The following NINJ2 variants were observed in gnomAD, a reference collection of about 807,000 sequenced individuals.
NINJ2 encodes the protein ninjurin 2, also known as ninjurin-2.
Under a neutral mutation model 11.7 loss-of-function variants are expected in NINJ2, and 12 were observed. The ratio of observed to expected loss-of-function variants is 1.02; its 90% CI spans 0.66 to 1.66. The LOEUF (loss-of-function observed/expected upper bound fraction) is 1.66, where lower values mean the gene tolerates loss of function less well. Ranked by LOEUF, NINJ2 falls within the 40% of genes most tolerant of loss-of-function variation. The probability of loss-of-function intolerance (pLI) is 0.00; values close to 1 mark genes in which losing one functional copy is unlikely to be tolerated. For missense variants in NINJ2, 187 were observed against 181.8 expected (o/e 1.03, Z -0.16); for synonymous variants, 93 against 76.8 (o/e 1.21, Z -1.10).
intron 1 of NINJ2, chr12:643,397 C>G (rs1027107022): frequency 2.1e-6 from 2 of 971,304 alleles, no homozygotes; most frequent in East Asian, 1.1e-4. Flanking sequence ...CAGCTGCAGT[C>G]GCGCCAGCCC....
chr12:609,613 C>A (rs1331136172), intron 1 of NINJ2, among the ~76,000 whole-genome samples: 1 of 150,802 alleles, frequency 6.6e-6, no homozygotes, highest in Non-Finnish European at 1.5e-5. Flanking sequence ...ACTAAAAATA[C>A]AAAAAAAATT....
chr12:642,874 C>G (rs1041626066), intron 1 of NINJ2: 7 of 150,966 alleles, frequency 4.6e-5, no homozygotes. Flanking sequence ...GCCCGGCTCG[C>G]CCGCCCGCGT....
At position 581,137 on chromosome 12, in the gene NINJ2, CTGTG is replaced by C. The variant is rs1301141091; in HGVS notation, c.34-14963_34-14960del. Among the ~76,000 whole-genome samples, 2 of 140,800 alleles carry C rather than the reference CTGTG, an allele frequency of 1.4e-5. No individual in the cohort carries two copies. The highest frequency in any genetic ancestry group is 3.1e-5 in the Non-Finnish European group (2 of 64,394). 92.4% of individuals were successfully genotyped at this position (140,800 alleles called of 152,430 possible). ...TCTGTGTGTGCGTGTCTCTGTGCCT[CTGTG>C]TGTGTGTGCATGTGTCTCTGTGTGT... On this transcript the variant is annotated intron_variant, in intron 1 of 3. Transcript: ENST00000305108. The surrounding 1 kb of genome is among the most constrained non-coding windows in gnomAD (Gnocchi z 4.9).
At chr12:590,019 C>T (rs1947697636) in intron 1 of NINJ2, among the ~76,000 whole-genome samples, 3 of 152,184 alleles carry the variant, frequency 2.0e-5, no homozygotes, top group African/African-American at 7.2e-5. Flanking sequence ...TGATGAGGCA[C>T]TTAGGCTTTG....
chr12:577,430 C>CATATATGTATGTAT (rs1555161809), intron 1 of NINJ2, among the ~76,000 whole-genome samples: 3 of 94,004 alleles, frequency 3.2e-5, no homozygotes, highest in Non-Finnish European at 7.4e-5. Flanking sequence ...TATATATATA[C>CATATATGTATGTAT]ATATATATAT....
chr12:578,893 G>A (rs1947508394), intron 1 of NINJ2, among the ~76,000 whole-genome samples: 2 of 152,210 alleles, frequency 1.3e-5, no homozygotes, highest in South Asian at 4.1e-4. Context: ...GTCTGTAAGG[G>A]TCTAGTGCTT....
At chr12:657,744 GA>G (rs1466678201) in intron 1 of NINJ2, among the ~76,000 whole-genome samples, 2 of 152,062 alleles carry the variant, frequency 1.3e-5, no homozygotes, top group Admixed American at 6.6e-5. Context: ...ACAAAAATGG[GA>G]TATCACTGCA....
At chr12:587,791 T>G (rs1947660238) in intron 1 of NINJ2, among the ~76,000 whole-genome samples, 1 of 152,206 alleles carries the variant, frequency 6.6e-6, no homozygotes, top group Non-Finnish European at 1.5e-5. Flanking sequence ...AAATGCCCTC[T>G]GGGCCCTTCC....
Position 592,276 on chromosome 12 carries a change from T to G in NINJ2, c.34-26098A>C, listed in dbSNP as rs368726973. On this transcript the variant is annotated intron_variant, in intron 1 of 3. Transcript: ENST00000305108. ...ACAGTTAGGTGTCTCCTAGATAACA[T>G]GAGGGAGTCATCGTCATTGCCGGAG... Among the ~76,000 whole-genome samples, 3 of 152,020 alleles carry G rather than the reference T, an allele frequency of 2.0e-5. No individual in the cohort carries two copies. The South Asian group carries it at 6.2e-4, about 32-fold the overall frequency.
At chr12:652,521 A>C (rs1937809229) in intron 1 of NINJ2, among the ~76,000 whole-genome samples, 1 of 152,220 alleles carries the variant, frequency 6.6e-6, no homozygotes. Context: ...ACTTGAGGCC[A>C]GGACTTCCAG....
At chr12:649,480 G>C (rs1024596565) in intron 1 of NINJ2, among the ~76,000 whole-genome samples, 2 of 146,028 alleles carry the variant, frequency 1.4e-5, no homozygotes, top group Non-Finnish European at 3.0e-5. Flanking sequence ...TGTATAAACT[G>C]TTTATTTTTT....
intron 1 of NINJ2, chr12:642,845 C>T (rs924941835): frequency 5.3e-5 from 8 of 151,436 alleles, no homozygotes; most frequent in African/African-American, 1.7e-4. Flanking sequence ...GGGAAGTGGG[C>T]TCGGGGCCCC....
At chr12:637,340 C>G (rs1948364303) in intron 1 of NINJ2, among the ~76,000 whole-genome samples, 2 of 149,858 alleles carry the variant, frequency 1.3e-5, no homozygotes, top group Admixed American at 1.3e-4. Context: ...CAGAGCGAGA[C>G]TTCATCTCAA....
intron 1 of NINJ2, among the ~76,000 whole-genome samples, chr12:621,586 C>T (rs776725018): frequency 6.6e-5 from 10 of 151,808 alleles, no homozygotes; most frequent in Non-Finnish European, 1.5e-4. Context: ...TTTGGGAGGC[C>T]GAGACGGGAG....
At chr12:646,700 G>GTT (rs1424031753) in intron 1 of NINJ2, among the ~76,000 whole-genome samples, 1 of 152,168 alleles carries the variant, frequency 6.6e-6, no homozygotes, top group Non-Finnish European at 1.5e-5. Flanking sequence ...AAAGGTCCTG[G>GTT]TTGTGTGAGT....
intron 1 of NINJ2, among the ~76,000 whole-genome samples, chr12:656,354 C>T (rs1375945399): frequency 6.7e-6 from 1 of 149,072 alleles, no homozygotes; most frequent in Non-Finnish European, 1.5e-5. Context: ...CAGAGTGAGA[C>T]TCTGTCTAAA....
intron 1 of NINJ2, among the ~76,000 whole-genome samples, chr12:653,524 A>G (rs961666935): frequency 6.6e-6 from 1 of 152,140 alleles, no homozygotes; most frequent in Non-Finnish European, 1.5e-5. Flanking sequence ...TACTCACACG[A>G]TCCATGAAAT....
chr12:567,223 C>T (rs961797993), intron 1 of NINJ2, among the ~76,000 whole-genome samples: 11 of 151,460 alleles, frequency 7.3e-5, no homozygotes, highest in African/African-American at 2.2e-4. Flanking sequence ...CAGATACCTG[C>T]AGAGTGGGGA....
intron 1 of NINJ2, among the ~76,000 whole-genome samples, chr12:582,647 G>A (rs373445374): frequency 8.8e-4 from 15 of 16,982 alleles, no homozygotes; most frequent in East Asian, 2.4e-3. Context: ...GAATGAATGG[G>A]CGCAGGCAGG....
Sources: gnomAD v4.1 joint callset for allele counts (sites outside exome capture counted in the v4.1 genomes callset) on GRCh38, gnomAD v4.1.1 for gene constraint, Gnocchi (gnomAD v3.1) non-coding constraint, MANE v1.5 for transcripts, NCBI Gene and HGNC (gene_info 2026-07-23, HGNC 2026-07-21) for gene names.